The following PHEX variants were observed in gnomAD, a reference collection of about 807,000 sequenced individuals.
The protein encoded by PHEX is phosphate-regulating neutral endopeptidase PHEX.
In PHEX, 16 loss-of-function variants were observed where a neutral mutation model predicts 68.0. That is an observed-to-expected ratio of 0.24 (90% confidence interval 0.16 to 0.36). PHEX has a LOEUF of 0.36. Among genes scored for constraint, PHEX ranks in the 10% least tolerant of loss-of-function variants. PHEX has a pLI of 1.00. For synonymous variants in PHEX, 208 were observed against 205.1 expected, an observed-to-expected ratio of 1.01 and a Z score of -0.12; for missense variants, 480 against 575.5, an observed-to-expected ratio of 0.83 and a Z score of 1.70.
chrX:22,249,411 C>T lies in PHEX; in HGVS notation c.*1458C>T, dbSNP rs1403208201. On this transcript the variant is annotated 3_prime_UTR_variant, in exon 22 of 22. Coordinates refer to ENST00000379374, the MANE Select transcript of PHEX (RefSeq NM_000444.6). ...CAAATTCAGATTAACCACAGGAAGC[C>T]ATTGTGTGTCCCTGTGATTTGTGAT... is the stretch of plus-strand genomic sequence containing the variant. 5 of 87,274 alleles carry T rather than the reference C, an allele frequency of 5.7e-5. No homozygotes were observed. Among genetic ancestry groups the T allele is most frequent in the Non-Finnish European group, 1.1e-4 (5 of 46,650 alleles). The allele number at this position is 87,274 out of a possible 1,213,427, so 7.2% of individuals were successfully genotyped here. A position where few individuals can be genotyped will look rare whatever the true frequency, so the allele number is the denominator to read the frequency against.
intron 12 of PHEX, among the ~76,000 whole-genome samples, chrX:22,156,171 T>C (rs1569413528): frequency 1.8e-5 from 2 of 111,325 alleles, no homozygotes; most frequent in African/African-American, 6.5e-5. Context: ...GGGGGTTACA[T>C]ATTGTCTTAA....
Position 22,239,242 on chromosome X carries a change from AAAGACCAAAGGTAGAT to A in PHEX, c.2071-6088_2071-6073del, listed in dbSNP as rs779806046. The stretch of plus-strand genomic sequence containing the variant: ...ACCATATCCGAAGGTCACCAGCATC[AAAGACCAAAGGTAGAT>A]AAATCCACGAGGATGGGGAGAAACC... On this transcript the variant is annotated intron_variant, in intron 20 of 21. Coordinates refer to ENST00000379374, the MANE Select transcript of PHEX (RefSeq NM_000444.6). Among the ~76,000 whole-genome samples the A allele has an allele frequency of 4.5e-5, 5 of 111,992 alleles. No homozygotes were observed. In the East Asian group the frequency reaches 1.4e-3, roughly 32 times the overall value.
At chrX:22,074,215 T>C (rs1929042454) in intron 3 of PHEX, among the ~76,000 whole-genome samples, 1 of 110,151 alleles carries the variant, frequency 9.1e-6, no homozygotes. Flanking sequence ...CAGAGATACA[T>C]AAAATGGATG....
At chrX:22,122,053 A>G (rs1174389842) in intron 11 of PHEX, among the ~76,000 whole-genome samples, 2 of 111,660 alleles carry the variant, frequency 1.8e-5, no homozygotes, top group Admixed American at 9.5e-5. Context: ...AAGTTCTCCA[A>G]TTCCCTCGCT....
chrX:22,101,338 CTA>C (rs1930414749), intron 9 of PHEX, among the ~76,000 whole-genome samples: 1 of 112,208 alleles, frequency 8.9e-6, no homozygotes, highest in Non-Finnish European at 1.9e-5. Flanking sequence ...TATTTGCAGA[CTA>C]TGGTGATGTT....
At chrX:22,042,128 G>A (rs948458803) in intron 2 of PHEX, among the ~76,000 whole-genome samples, 2 of 111,363 alleles carry the variant, frequency 1.8e-5, no homozygotes, top group African/African-American at 3.3e-5. Context: ...CTGTGCGTGC[G>A]TGGGCGTGCA....
At chrX:22,114,943 T>C (rs1261825596) in intron 11 of PHEX, among the ~76,000 whole-genome samples, 1 of 111,996 alleles carries the variant, frequency 8.9e-6, no homozygotes. Flanking sequence ...CGTGTTCTTC[T>C]CCATCTGTTT....
intron 13 of PHEX, 81 bp from the exon 14 acceptor site, chrX:22,178,192 T>C (rs1223340557): frequency 3.4e-6 from 2 of 594,566 alleles, no homozygotes; most frequent in African/African-American, 2.2e-5. Flanking sequence ...TGCTAGTTGC[T>C]CCTTCCTATG....
At chrX:22,228,484 T>G (rs769770945) in intron 20 of PHEX, among the ~76,000 whole-genome samples, 3 of 109,516 alleles carry the variant, frequency 2.7e-5, no homozygotes, top group Non-Finnish European at 1.9e-5. Flanking sequence ...TTGCCTGCGG[T>G]CTTTTATTTC....
intron 20 of PHEX, among the ~76,000 whole-genome samples, chrX:22,230,660 G>C (rs1018659572): frequency 5.4e-5 from 6 of 111,407 alleles, no homozygotes; most frequent in Non-Finnish European, 9.4e-5. Context: ...CTGCTTATCA[G>C]CTTAAGGAGA....
intron 3 of PHEX, among the ~76,000 whole-genome samples, chrX:22,057,603 A>T (rs1928172790): frequency 9.0e-6 from 1 of 110,792 alleles, no homozygotes; most frequent in South Asian, 3.8e-4. Context: ...AGAAAAAAAA[A>T]AGAAAGTCCC....
intron 9 of PHEX, among the ~76,000 whole-genome samples, chrX:22,100,699 T>A (rs1930375736): frequency 8.9e-6 from 1 of 111,822 alleles, no homozygotes; most frequent in Non-Finnish European, 1.9e-5. Flanking sequence ...TGATTTTACT[T>A]GGTAATTGCA....
chrX:22,161,056 A>T (rs1933108267), intron 12 of PHEX, among the ~76,000 whole-genome samples: 1 of 110,765 alleles, frequency 9.0e-6, no homozygotes, highest in African/African-American at 3.3e-5. Context: ...AAGATGCTTG[A>T]ACCCGAGAGG....
chrX:22,052,453 C>T (rs1927881072), intron 3 of PHEX, among the ~76,000 whole-genome samples: 1 of 111,573 alleles, frequency 9.0e-6, no homozygotes, highest in African/African-American at 3.3e-5. Context: ...GTCTCAAATT[C>T]CTGGTCACAG....
At chrX:22,033,354 G>A (rs1926885312) in intron 1 of PHEX, among the ~76,000 whole-genome samples, 1 of 110,769 alleles carries the variant, frequency 9.0e-6, no homozygotes, top group Non-Finnish European at 1.9e-5. Flanking sequence ...GGCAAAGTGG[G>A]TGTAAGTGGC....
At chrX:22,071,925 C>T (rs1457621810) in intron 3 of PHEX, among the ~76,000 whole-genome samples, 2 of 108,165 alleles carry the variant, frequency 1.8e-5, no homozygotes, top group Non-Finnish European at 3.8e-5. Context: ...TGGTGAAACC[C>T]CGTCTCTACT....
Position 22,176,396 on chromosome X carries a change from AAAAAAAATAT to A in PHEX, c.1483-1875_1483-1866del, listed in dbSNP as rs1475738458. On this transcript the variant is annotated intron_variant, in intron 13 of 21. Coordinates refer to ENST00000379374, the MANE Select transcript of PHEX (RefSeq NM_000444.6). The stretch of plus-strand genomic sequence containing the variant: ...AGCGAGACTGTCTCAAAAAAAAAAA[AAAAAAAATAT>A]ATATATATATATATATATATGTATG... 6.2e-3 allele frequency among the ~76,000 whole-genome samples: 487 copies of A among 79,058 alleles called. 3 individuals are homozygous for A. The highest frequency in any genetic ancestry group is 0.033 in the African/African-American group (447 of 13,376). 68.7% of individuals were successfully genotyped at this position (79,058 alleles called of 115,157 possible). A position where few individuals can be genotyped will look rare whatever the true frequency, so the allele number is the denominator to read the frequency against.
At chrX:22,103,629 T>C (rs1408951563) in intron 9 of PHEX, among the ~76,000 whole-genome samples, 1 of 112,417 alleles carries the variant, frequency 8.9e-6, no homozygotes, top group Non-Finnish European at 1.9e-5. Context: ...GCGAATGCCA[T>C]TATTTCCTTC....
chrX:22,071,996 G>A (rs1464919994), intron 3 of PHEX, among the ~76,000 whole-genome samples: 2 of 112,280 alleles, frequency 1.8e-5, no homozygotes, highest in African/African-American at 3.2e-5. Context: ...GGAGGCTGAG[G>A]CGGGTGGATC....
Sources: allele counts gnomAD v4.1 joint callset (sites outside exome capture counted in the v4.1 genomes callset), GRCh38; gene constraint gnomAD v4.1.1; transcripts MANE v1.5; gene names NCBI Gene and HGNC (gene_info 2026-07-23, HGNC 2026-07-21).